Variants in SLC52A3 observed in about 807,000 individuals in gnomAD.
SLC52A3 encodes solute carrier family 52 member 3.
A neutral mutation model predicts 29.5 loss-of-function variants in SLC52A3; 20 were observed. That is an observed-to-expected ratio of 0.68 (90% CI 0.48 to 0.99). SLC52A3 has a LOEUF of 0.99. SLC52A3 is among the 50% of genes least tolerant of loss of function. SLC52A3 has a pLI of 0.00. For missense variants in SLC52A3, 548 were observed against 612.9 expected (o/e 0.89, Z 1.12); for synonymous variants, 301 against 271.0 (o/e 1.11, Z -1.09).
chr20:778,880 A>G (rs566374), upstream of SLC52A3, among the ~76,000 whole-genome samples: 69,350 of 151,934 alleles, frequency 0.46, 16,270 homozygotes, highest in East Asian at 0.77. Flanking sequence ...GTGCCTGGCC[A>G]CAATTTCATA....
chr20:775,362 C>A (rs193012733), intron 1 of SLC52A3, among the ~76,000 whole-genome samples: 5 of 151,688 alleles, frequency 3.3e-5, no homozygotes, highest in African/African-American at 1.2e-4. Context: ...GCAGCCTCAA[C>A]CTTCCTGGCT....
At chr20:769,762 T>C (rs1167906907), upstream of SLC52A3, among the ~76,000 whole-genome samples, 1 of 151,966 alleles carries the variant, frequency 6.6e-6, no homozygotes, top group Non-Finnish European at 1.5e-5. Context: ...CCCAGCATGG[T>C]GGCGCACACC....
At chr20:774,789 G>T (rs1986961004) in intron 1 of SLC52A3, among the ~76,000 whole-genome samples, 1 of 152,160 alleles carries the variant, frequency 6.6e-6, no homozygotes, top group Non-Finnish European at 1.5e-5. Flanking sequence ...TGTCCCTATT[G>T]CACAGGTGGG....
intron 1 of SLC52A3, among the ~76,000 whole-genome samples, chr20:775,448 T>G (rs1986985622): frequency 6.6e-6 from 1 of 151,984 alleles, no homozygotes; most frequent in South Asian, 2.1e-4. Flanking sequence ...CTGGGTAATT[T>G]TTGTATTTTT....
chr20:765,837 G>A lies in SLC52A3; in HGVS notation c.-51-12C>T. 6.6e-7 allele frequency: 1 copy of A among 1,504,950 alleles called. No individual in the cohort carries two copies. The highest frequency in any genetic ancestry group is 1.9e-5 in the Admixed American group (1 of 52,944). The allele number at this position is 1,504,950 out of a possible 1,614,324, so 93.2% of individuals were successfully genotyped here. ...AGCCTGCAGCGGGGCTGGCAGAGAA[G>A]GACACCAGGTGAGTAATTCCAGCTT... On this transcript the variant is annotated splice_polypyrimidine_tract_variant and intron_variant, in intron 1 of 4. Coordinates refer to ENST00000645534, the MANE Select transcript of SLC52A3 (RefSeq NM_033409.4). This position sits in a 1 kb window ranked among gnomAD's most constrained non-coding sequence, Gnocchi z 6.6.
intron 2 of SLC52A3, among the ~76,000 whole-genome samples, chr20:764,760 A>G (rs919890410): frequency 6.6e-5 from 10 of 152,382 alleles, no homozygotes; most frequent in Admixed American, 2.0e-4. Context: ...TTTTATTAGT[A>G]AAGCTATCTT....
At chr20:779,312 ATGT>A (rs560764273), upstream of SLC52A3, among the ~76,000 whole-genome samples, 31 of 152,318 alleles carry the variant, frequency 2.0e-4, no homozygotes, top group South Asian at 5.6e-3. Context: ...TATGCAAGAA[ATGT>A]TGTACAGTTT....
chr20:763,212 A>T (rs1200442434), intron 3 of SLC52A3, among the ~76,000 whole-genome samples: 1 of 152,214 alleles, frequency 6.6e-6, no homozygotes, highest in Non-Finnish European at 1.5e-5. Flanking sequence ...CGTGCCAGGC[A>T]CCGCTCCAAG....
upstream of SLC52A3, among the ~76,000 whole-genome samples, chr20:769,780 C>T (rs1391933350): frequency 1.3e-5 from 2 of 152,052 alleles, no homozygotes; most frequent in African/African-American, 4.8e-5. Flanking sequence ...ACCTGTAATC[C>T]CAGCTACTCA....
chr20:762,685 C>A (rs914091305), intron 3 of SLC52A3, among the ~76,000 whole-genome samples: 1 of 152,218 alleles, frequency 6.6e-6, no homozygotes, highest in Non-Finnish European at 1.5e-5. Flanking sequence ...CCCTCAAATC[C>A]TCCATCCTCT....
At position 765,842 on chromosome 20, in the gene SLC52A3, C is replaced by T. The variant is rs2081822316; in HGVS notation, c.-51-17G>A. 2.0e-6 allele frequency: 3 copies of T among 1,477,500 alleles called. No individual in the cohort carries two copies. The highest frequency in any genetic ancestry group is 2.8e-6 in the Non-Finnish European group (3 of 1,072,306). The allele number at this position is 1,477,500 out of a possible 1,614,324, so 91.5% of individuals were successfully genotyped here. A position where few individuals can be genotyped will look rare whatever the true frequency, so the allele number is the denominator to read the frequency against. On this transcript the variant is annotated splice_polypyrimidine_tract_variant and intron_variant, in intron 1 of 4. Coordinates refer to ENST00000645534, the MANE Select transcript of SLC52A3 (RefSeq NM_033409.4). This position sits in a 1 kb window ranked among gnomAD's most constrained non-coding sequence, Gnocchi z 6.6. The stretch of plus-strand genomic sequence containing the variant: ...GCAGCGGGGCTGGCAGAGAAGGACA[C>T]CAGGTGAGTAATTCCAGCTTCACCA...
intron 1 of SLC52A3, among the ~76,000 whole-genome samples, chr20:767,387 T>C (rs1986719446): frequency 6.6e-6 from 1 of 151,900 alleles, no homozygotes; most frequent in Non-Finnish European, 1.5e-5. Flanking sequence ...GACAGAGTCT[T>C]ACTCTGTCAC....
At position 765,727 on chromosome 20, in the gene SLC52A3, G is replaced by C. The variant is rs142206705; in HGVS notation, c.48C>G (p.Ser16=). The part of the protein sequence containing the change: ...HLLVCVFGMG[S]WVTINGLWVE... ...CCCAGAGCCCATTGATGGTCACCCAGGAGCCCATTCCGAAGACGCAGACCA... is the reference window on the plus strand; with the variant it reads ...CCCAGAGCCCATTGATGGTCACCCACGAGCCCATTCCGAAGACGCAGACCA... Residue 16 remains serine (S), a synonymous_variant, in exon 2 of 5, where the codon TCC becomes TCG. Transcript: ENST00000645534. This position sits in a 1 kb window ranked among gnomAD's most constrained non-coding sequence, Gnocchi z 6.6. The C allele has an allele frequency of 8.1e-6, 13 of 1,613,608 alleles. No individual in the cohort carries two copies. The highest frequency in any genetic ancestry group is 1.1e-5 in the Non-Finnish European group (13 of 1,179,966).
chr20:769,069 A>C (rs1046323105), upstream of SLC52A3, among the ~76,000 whole-genome samples: 1 of 152,218 alleles, frequency 6.6e-6, no homozygotes, highest in African/African-American at 2.4e-5. Context: ...TTTTGAGGGC[A>C]GGGGCTGCTT....
chr20:763,706 C>G lies in SLC52A3; in HGVS notation c.865G>C (p.Glu289Gln). The change falls in exon 3 of 5, where the codon GAG becomes CAG. Residue 289 changes from glutamate to glutamine, a missense_variant. Glu to Gln is a conservative substitution (Grantham distance 29). Around this residue, in one of 2 missense-constraint regions of SLC52A3, gnomAD observed 375 missense variants for 471.1 expected, o/e 0.80. Transcript: ENST00000645534. ...GGGCAGCAGGGGGCTGCTTTCTCCT[C>G]TAGATACCCCTGGCCCTGGCTGCTG... ...VDSSQGQGYLEEKAAPCCPAH... is the reference protein window; with the variant it reads ...VDSSQGQGYLQEKAAPCCPAH... The G allele has an allele frequency of 1.2e-6, 2 of 1,614,162 alleles. No homozygotes were observed. Among genetic ancestry groups the G allele is most frequent in the Non-Finnish European group, 1.7e-6 (2 of 1,180,000 alleles).
chr20:770,121 A>G (rs1468107276), upstream of SLC52A3, among the ~76,000 whole-genome samples: 1 of 150,750 alleles, frequency 6.6e-6, no homozygotes, highest in African/African-American at 2.4e-5. This position sits in a 1 kb window ranked among gnomAD's most constrained non-coding sequence, Gnocchi z 4.5. Context: ...TAAACGTGCT[A>G]TTTGAGGCTG....
At chr20:771,082 G>T (rs556011566), upstream of SLC52A3, among the ~76,000 whole-genome samples, 2 of 152,294 alleles carry the variant, frequency 1.3e-5, no homozygotes, top group South Asian at 2.1e-4. Flanking sequence ...AATTGTAAAA[G>T]AAACTTCTAT....
Position 764,020 on chromosome 20 carries a change from A to G in SLC52A3, c.568-17T>C, listed in dbSNP as rs1986590057. The G allele has an allele frequency of 3.2e-6, 5 of 1,549,118 alleles. No homozygotes were observed. The Admixed American group carries it at 9.8e-5, about 30-fold the overall frequency. ...GGGAACTCCCTGCAAAGGACAAGAC[A>G]GATCCCTGGTCAGGGGAGGGGATCA... On this transcript the variant is annotated splice_polypyrimidine_tract_variant and intron_variant, in intron 2 of 4. Coordinates refer to ENST00000645534, the MANE Select transcript of SLC52A3 (RefSeq NM_033409.4).
chr20:772,225 C>T (rs140260855), upstream of SLC52A3, among the ~76,000 whole-genome samples: 388 of 152,332 alleles, frequency 2.5e-3, 1 homozygote, highest in African/African-American at 8.8e-3. Flanking sequence ...CTGCTCCCCA[C>T]AAAGACGAAT....
Sources: allele counts gnomAD v4.1 joint callset (sites outside exome capture counted in the v4.1 genomes callset), GRCh38; gene constraint gnomAD v4.1.1; regional missense constraint gnomAD v4.1.1; non-coding constraint Gnocchi (gnomAD v3.1); transcripts MANE v1.5; gene names NCBI Gene and HGNC (gene_info 2026-07-23, HGNC 2026-07-21).